Variants in GNRHR observed in about 807,000 individuals in gnomAD.
GNRHR encodes gonadotropin releasing hormone receptor.
Under a neutral mutation model 28.1 loss-of-function variants are expected in GNRHR, and 14 were observed. That is an observed-to-expected ratio of 0.50 (90% CI 0.33 to 0.78). The LOEUF (loss-of-function observed/expected upper bound fraction) is 0.78, where lower values mean the gene tolerates loss of function less well. Ranked by LOEUF, GNRHR falls within the 30% of genes least tolerant of loss-of-function variation. The pLI, the probability that GNRHR is intolerant of heterozygous loss-of-function variation, is 0.02. For synonymous variants in GNRHR, 141 were observed against 140.5 expected (o/e 1.00, Z -0.02); for missense variants, 366 against 382.1 (o/e 0.96, Z 0.35).
chr4:67,750,103 T>C (rs1234843154), intron 1 of GNRHR, among the ~76,000 whole-genome samples: 2 of 152,188 alleles, frequency 1.3e-5, no homozygotes, highest in Non-Finnish European at 2.9e-5. Flanking sequence ...GTATGACTTA[T>C]TCTTTACAAT....
In GNRHR at chr4:67,740,547, A is replaced by G; in HGVS notation, c.920T>C (p.Phe307Ser). 6.2e-7 allele frequency: 1 copy of G among 1,606,832 alleles called. No individual in the cohort carries two copies. Among genetic ancestry groups the G allele is most frequent in the South Asian group, 1.1e-5 (1 of 90,942 alleles). ...LNRLSDPVNHFFFLFAFLNPC... is the reference protein window; with the variant it reads ...LNRLSDPVNHSFFLFAFLNPC... ...GTTTAAAAAGGCAAAGAGAAAGAAGAAGTGATTTACTGGGTCTGACAACCT... is the reference window on the plus strand; with the variant it reads ...GTTTAAAAAGGCAAAGAGAAAGAAGGAGTGATTTACTGGGTCTGACAACCT... The change falls in exon 3 of 3, where the codon TTC (phenylalanine) becomes TCC (serine). Residue 307 changes from phenylalanine (F) to serine (S), a missense_variant. Transcript: ENST00000226413.
chr4:67,742,721 G>T (rs930526598), intron 2 of GNRHR, among the ~76,000 whole-genome samples: 1 of 151,942 alleles, frequency 6.6e-6, no homozygotes, highest in African/African-American at 2.4e-5. Context: ...TATTTTTTTT[G>T]AGGGAAACAG....
rs1731641543 is a variant in GNRHR, at chr4:67,740,659, C to T, written c.808G>A (p.Val270Ile). ...ACAGTAAATGAAGTGGCAAATGCAA[C>T]CGTCATTTTTAGAGTCTTCAGCCGT... ...RARLKTLKMT[V>I]AFATSFTVCW... The change falls in exon 3 of 3, where the codon GTT (valine) becomes ATT (isoleucine). Residue 270 changes from valine to isoleucine, a missense_variant. Val to Ile is a conservative substitution (Grantham distance 29). Transcript: ENST00000226413. 6.2e-7 allele frequency: 1 copy of T among 1,605,014 alleles called. No individual in the cohort carries two copies. The highest frequency in any genetic ancestry group is 8.5e-7 in the Non-Finnish European group (1 of 1,171,836).
chr4:67,744,642 G>A lies in GNRHR; in HGVS notation c.668C>T (p.Pro223Leu). ...ATTGCAGATCAGCATGATGAAAAGAGGGATGATGAAGAGGCAGCTGAAGGT... is the reference window on the plus strand; with the variant it reads ...ATTGCAGATCAGCATGATGAAAAGAAGGATGATGAAGAGGCAGCTGAAGGT... Reference protein sequence around the residue: ...FFTFSCLFIIPLFIMLICNAK... With the variant: ...FFTFSCLFIILLFIMLICNAK... Residue 223 changes from proline (P) to leucine (L), a missense_variant, in exon 2 of 3, where the codon CCT (proline) becomes CTT (leucine). By Grantham distance (98) the Pro-to-Leu change is moderately conservative. Transcript: ENST00000226413. 1 of 1,613,488 alleles carries A rather than the reference G, an allele frequency of 6.2e-7. No homozygotes were observed. The highest frequency in any genetic ancestry group is 1.7e-5 in the Admixed American group (1 of 60,014).
intron 1 of GNRHR, among the ~76,000 whole-genome samples, chr4:67,746,771 C>A (rs1731762026): frequency 1.3e-5 from 2 of 151,904 alleles, no homozygotes; most frequent in South Asian, 2.1e-4. Context: ...TCCACTCCCA[C>A]TCCCATCACC....
At position 67,740,586 on chromosome 4, in the gene GNRHR, G is replaced by T; in HGVS notation, c.881C>A (p.Pro294His). 6.2e-7 allele frequency: 1 copy of T among 1,612,454 alleles called. No homozygotes were observed. Among genetic ancestry groups the T allele is most frequent in the Non-Finnish European group, 8.5e-7 (1 of 1,178,516 alleles). Residue 294 changes from proline to histidine, a missense_variant, in exon 3 of 3, where the codon CCT (proline) becomes CAT (histidine). Coordinates refer to ENST00000226413, the MANE Select transcript of GNRHR (RefSeq NM_000406.3). Reference sequence around the variant, plus strand: ...GTCTGACAACCTGTTTAACATTTCAGGATCAAACCAATACCAAATTCCTAG... The same window carrying T: ...GTCTGACAACCTGTTTAACATTTCATGATCAAACCAATACCAAATTCCTAG... ...YVLGIWYWFD[P>H]EMLNRLSDPV...
intron 1 of GNRHR, among the ~76,000 whole-genome samples, chr4:67,752,926 G>C (rs1386380910): frequency 6.6e-6 from 1 of 152,098 alleles, no homozygotes; most frequent in African/African-American, 2.4e-5. Context: ...ACACATCCTT[G>C]TATCCTGGGT....
intron 1 of GNRHR, among the ~76,000 whole-genome samples, chr4:67,753,082 G>T (rs1731901067): frequency 6.6e-6 from 1 of 152,194 alleles, no homozygotes; most frequent in Non-Finnish European, 1.5e-5. Flanking sequence ...GGCTGCTTCT[G>T]GTGAAGGCAA....
Position 67,740,692 on chromosome 4 carries a change from GTA to G in GNRHR, c.773_774del (p.Ile258ThrfsTer35). 6.2e-7 allele frequency: 1 copy of G among 1,604,904 alleles called. No homozygotes were observed. The highest frequency in any genetic ancestry group is 8.5e-7 in the Non-Finnish European group (1 of 1,171,688). ...TTTAGAGTCTTCAGCCGTGCTCTTG[GTA>G]TATTGTTCTTGGACTGATTCAGTTG... ...ELQLNQSKNN[I>X]PRARLKTLKM... On this transcript the variant is annotated frameshift_variant, in exon 3 of 3. Coordinates refer to ENST00000226413, the MANE Select transcript of GNRHR (RefSeq NM_000406.3). LOFTEE classifies it high-confidence loss of function.
At chr4:67,746,056 T>A (rs1016478763) in intron 1 of GNRHR, among the ~76,000 whole-genome samples, 3 of 152,134 alleles carry the variant, frequency 2.0e-5, no homozygotes, top group Non-Finnish European at 2.9e-5. Context: ...TTATGAGCTC[T>A]GAATAGAACA....
chr4:67,748,661 A>G (rs556098543), intron 1 of GNRHR, among the ~76,000 whole-genome samples: 2 of 151,856 alleles, frequency 1.3e-5, no homozygotes, highest in Middle Eastern at 6.9e-3. Context: ...GCACATGTAT[A>G]CATATGTAAC....
chr4:67,741,327 A>G (rs1011382832), intron 2 of GNRHR, among the ~76,000 whole-genome samples: 7 of 152,020 alleles, frequency 4.6e-5, no homozygotes, highest in Non-Finnish European at 8.8e-5. Context: ...GAGTTACTTC[A>G]CTTAGAATAA....
chr4:67,740,485 G>A lies in GNRHR; in HGVS notation c.982C>T (p.Leu328=). ...FDPLIYGYFS[L] ...CTTCTTGTGTAGTCTATCAATCACA[G>A]AGAAAAATATCCATAGATAAGTGGA... The change falls in exon 3 of 3, where the codon CTG becomes TTG. Residue 328 remains leucine, a synonymous_variant. Coordinates refer to ENST00000226413, the MANE Select transcript of GNRHR (RefSeq NM_000406.3). 2 of 1,601,914 alleles carry A rather than the reference G, an allele frequency of 1.2e-6. No individual in the cohort carries two copies. Among genetic ancestry groups the A allele is most frequent in the Non-Finnish European group, 8.6e-7 (1 of 1,169,102 alleles).
At chr4:67,742,066 T>G (rs1027038822) in intron 2 of GNRHR, among the ~76,000 whole-genome samples, 1 of 151,946 alleles carries the variant, frequency 6.6e-6, no homozygotes, top group African/African-American at 2.4e-5. Context: ...TGAAGTCCCA[T>G]CTATTTATCT....
intron 1 of GNRHR, chr4:67,753,570 A>C: frequency 1.9e-6 from 1 of 526,540 alleles, no homozygotes; most frequent in Non-Finnish European, 3.4e-6. Context: ...ATTCATCACA[A>C]AAGCAGTATT....
intron 2 of GNRHR, among the ~76,000 whole-genome samples, chr4:67,742,948 T>C (rs1731685896): frequency 6.6e-6 from 1 of 151,150 alleles, no homozygotes; most frequent in African/African-American, 2.4e-5. Context: ...CCTTGCTCTT[T>C]TCACATACTA....
rs750234904 is a variant in GNRHR, at chr4:67,744,673, A to C, written c.637T>G (p.Phe213Val). ...ATGAAGAGGCAGCTGAAGGTGAAAA[A>C]GTTATAAAATGCTTGATGCCACCAT... ...SQWWHQAFYN[F>V]FTFSCLFIIP... The change falls in exon 2 of 3, where the codon TTT (phenylalanine) becomes GTT (valine). Residue 213 changes from phenylalanine (F) to valine (V), a missense_variant. Phe to Val is a conservative substitution (Grantham distance 50). Transcript: ENST00000226413. 6.2e-7 allele frequency: 1 copy of C among 1,612,842 alleles called. No homozygotes were observed.
intron 1 of GNRHR, among the ~76,000 whole-genome samples, chr4:67,746,248 G>A (rs1731752866): frequency 6.6e-6 from 1 of 151,998 alleles, no homozygotes; most frequent in East Asian, 1.9e-4. Flanking sequence ...ATAAGCAAAT[G>A]TAAAATATTA....
intron 1 of GNRHR, among the ~76,000 whole-genome samples, chr4:67,750,543 G>C (rs1264066995): frequency 6.6e-6 from 1 of 152,090 alleles, no homozygotes; most frequent in African/African-American, 2.4e-5. Context: ...AAACTTCTGA[G>C]AATGCACTGC....
Sources: gnomAD v4.1 joint callset for allele counts (sites outside exome capture counted in the v4.1 genomes callset) on GRCh38, gnomAD v4.1.1 for gene constraint, MANE v1.5 for transcripts, NCBI Gene and HGNC (gene_info 2026-07-23, HGNC 2026-07-21) for gene names.